The following PEX26 variants were observed in gnomAD, a reference collection of about 807,000 sequenced individuals.
PEX26 encodes peroxisomal biogenesis factor 26, also known as peroxisome assembly protein 26.
PEX26 carries 18 observed loss-of-function variants against 31.4 expected under a neutral mutation model. The ratio of observed to expected loss-of-function variants is 0.57; its 90% CI spans 0.40 to 0.85. The LOEUF (loss-of-function observed/expected upper bound fraction) is 0.85. Ranked by LOEUF, PEX26 falls within the 40% of genes least tolerant of loss-of-function variation. PEX26 has a pLI of 0.00. For synonymous variants in PEX26, 176 were observed against 166.9 expected, an observed-to-expected ratio of 1.05 and a Z score of -0.42; for missense variants, 377 against 383.9, an observed-to-expected ratio of 0.98 and a Z score of 0.15.
rs1421354549 is a variant in PEX26 at position 18,093,259 on chromosome 22, T to G, written c.*5184T>G. The G allele has an allele frequency of 6.6e-6, 1 of 152,040 alleles. No homozygotes were observed. 9.4% of individuals were successfully genotyped at this position (152,040 alleles called of 1,614,324 possible). On this transcript the variant is annotated 3_prime_UTR_variant, in exon 5 of 5. Transcript: ENST00000399744. ...CATGTTCACTTCAACCCCATTTCAT[T>G]TAAATTAAAGAAAAAAACCTGGCCG...
chr22:18,088,111 G>GC lies in PEX26; in HGVS notation c.*36_*37insC. 2 of 1,370,396 alleles carry GC rather than the reference G, an allele frequency of 1.5e-6. No homozygotes were observed. The highest frequency in any genetic ancestry group is 2.1e-6 in the Non-Finnish European group (2 of 961,480). The allele number at this position is 1,370,396 out of a possible 1,614,324, so 84.9% of individuals were successfully genotyped here. ...GCACCACAGCCTCTCTGCTCCTCACGTCCGTGGCCACAGAAGCAGAGCGAC... is the reference window on the plus strand; with the variant it reads ...GCACCACAGCCTCTCTGCTCCTCACGCTCCGTGGCCACAGAAGCAGAGCGAC... On this transcript the variant is annotated 3_prime_UTR_variant, in exon 5 of 5. Coordinates refer to ENST00000399744, the MANE Select transcript of PEX26 (RefSeq NM_001127649.3). The surrounding 1 kb of genome is among the most constrained non-coding windows in gnomAD (Gnocchi z 4.1).
rs361772 is a variant in PEX26 at position 18,103,092 on chromosome 22, C to CAAAAAAAAAAAAAAA, written c.*15023_*15037dup. On this transcript the variant is annotated 3_prime_UTR_variant, in exon 5 of 5. Coordinates refer to ENST00000399744, the MANE Select transcript of PEX26 (RefSeq NM_001127649.3). ...TGGGCGACAGTGTGCGACTGCATCTCAAAAAAAAAAAAAAAAAAAAGGCAT... is the reference window on the plus strand; with the variant it reads ...TGGGCGACAGTGTGCGACTGCATCTCAAAAAAAAAAAAAAAAAAAAAAAAAAAAAAAAAAAGGCAT... The CAAAAAAAAAAAAAAA allele has an allele frequency of 1.1e-5, 1 of 87,762 alleles. No individual in the cohort carries two copies. Among genetic ancestry groups the CAAAAAAAAAAAAAAA allele is most frequent in the Admixed American group, 1.5e-4 (1 of 6,678 alleles). The allele number at this position is 87,762 out of a possible 1,614,324, so 5.4% of individuals were successfully genotyped here. A position where few individuals can be genotyped will look rare whatever the true frequency, so the allele number is the denominator to read the frequency against.
At position 18,087,765 on chromosome 22, in the gene PEX26, C is replaced by T. The variant is rs188148608; in HGVS notation, c.815-207C>T. Among the ~76,000 whole-genome samples, 696 of 152,272 alleles carry T rather than the reference C, an allele frequency of 4.6e-3. 1 individual carries two copies. The highest frequency in any genetic ancestry group is 6.9e-3 in the Non-Finnish European group (467 of 68,018). On this transcript the variant is annotated intron_variant, in intron 4 of 4. Transcript: ENST00000399744. ...ACCTGCACCTGCAGGCTGAGGATCG[C>T]ATGAGCCCCAGAGATTGAGGCTGCA...
At position 18,083,734 on chromosome 22, in the gene PEX26, T is replaced by C. The variant is rs267608191; in HGVS notation, c.667+2T>C. On this transcript the variant is annotated splice_donor_variant, in intron 3 of 4. Coordinates refer to ENST00000399744, the MANE Select transcript of PEX26 (RefSeq NM_001127649.3). LOFTEE classifies it high-confidence loss of function. ...AGGCCCAGAAGCCAAACCTGGAAGG[T>C]AGGACATTATCCCTCTGCGACCTCT... 1.9e-6 allele frequency: 3 copies of C among 1,613,524 alleles called. No homozygotes were observed. Among genetic ancestry groups the C allele is most frequent in the Middle Eastern group, 1.7e-4 (1 of 5,808 alleles).
At chr22:18,081,927 G>T (rs1001289435) in intron 2 of PEX26, among the ~76,000 whole-genome samples, 7 of 152,112 alleles carry the variant, frequency 4.6e-5, no homozygotes, top group African/African-American at 1.4e-4. Context: ...CTGGAGCGAG[G>T]TAGTGTCTCA....
Position 18,101,309 on chromosome 22 carries a change from C to T in PEX26, c.*13234C>T, listed in dbSNP as rs556935641. On this transcript the variant is annotated 3_prime_UTR_variant, in exon 5 of 5. Transcript: ENST00000399744. ...TTGATCCTGGGAGATTCAGAAACCTCAAGATGGGTAGCTGGCTTGAGTAAC... is the reference window on the plus strand; with the variant it reads ...TTGATCCTGGGAGATTCAGAAACCTTAAGATGGGTAGCTGGCTTGAGTAAC... 2 of 152,192 alleles carry T rather than the reference C, an allele frequency of 1.3e-5. No homozygotes were observed. The highest frequency in any genetic ancestry group is 4.8e-5 in the African/African-American group (2 of 41,514). The allele number at this position is 152,192 out of a possible 1,614,324, so 9.4% of individuals were successfully genotyped here.
Position 18,083,708 on chromosome 22 carries a change from G to A in PEX26, c.643G>A (p.Glu215Lys), listed in dbSNP as rs138232280. ...QQKQEHSGSE[E>K]AQKPNLEGSV... Reference sequence around the variant, plus strand: ...GAAACAGGAACACTCAGGCTCTGAGGAGGCCCAGAAGCCAAACCTGGAAGG... The same window carrying A: ...GAAACAGGAACACTCAGGCTCTGAGAAGGCCCAGAAGCCAAACCTGGAAGG... Residue 215 changes from glutamate (E) to lysine (K), a missense_variant, in exon 3 of 5, where the codon GAG becomes AAG. Transcript: ENST00000399744. The A allele has an allele frequency of 6.6e-4, 1,059 of 1,614,018 alleles. 9 individuals carry two copies. Among genetic ancestry groups the A allele is most frequent in the Middle Eastern group, 1.2e-3 (7 of 5,948 alleles).
At position 18,088,618 on chromosome 22, in the gene PEX26, A is replaced by C; in HGVS notation, c.*543A>C. 4.8e-6 allele frequency: 1 copy of C among 208,260 alleles called. No homozygotes were observed. The highest frequency in any genetic ancestry group is 9.9e-6 in the Non-Finnish European group (1 of 100,972). 12.9% of individuals were successfully genotyped at this position (208,260 alleles called of 1,614,324 possible). ...ACATGGTGAAACCCCATCTCTACTA[A>C]AAATACAAAAATTAGCTAGATGTGG... On this transcript the variant is annotated 3_prime_UTR_variant, in exon 5 of 5. Coordinates refer to ENST00000399744, the MANE Select transcript of PEX26 (RefSeq NM_001127649.3). The surrounding 1 kb of genome is among the most constrained non-coding windows in gnomAD (Gnocchi z 4.1).
chr22:18,085,827 G>A (rs1239344305), intron 4 of PEX26, among the ~76,000 whole-genome samples: 5 of 152,038 alleles, frequency 3.3e-5, no homozygotes, highest in East Asian at 3.9e-4. Context: ...AGCCAAGATC[G>A]CACTGCTGCA....
At chr22:18,082,385 T>A (rs959403912) in intron 2 of PEX26, among the ~76,000 whole-genome samples, 1 of 152,202 alleles carries the variant, frequency 6.6e-6, no homozygotes, top group Non-Finnish European at 1.5e-5. Context: ...AGTTAATTTT[T>A]GTATGTGGGG....
intron 1 of PEX26, chr22:18,078,864 G>T (rs1602455853): frequency 1.5e-6 from 1 of 666,346 alleles, no homozygotes; most frequent in East Asian, 2.8e-5. Flanking sequence ...TGATGGGAAG[G>T]CTGAATGTGT....
chr22:18,087,170 G>A (rs924995267), intron 4 of PEX26, among the ~76,000 whole-genome samples: 1 of 152,284 alleles, frequency 6.6e-6, no homozygotes, highest in South Asian at 2.1e-4. Flanking sequence ...CGCCTCCTGG[G>A]TTCAAGCGAT....
chr22:18,090,101 A>G lies in PEX26; in HGVS notation c.*2026A>G, dbSNP rs1927027948. The G allele has an allele frequency of 6.6e-6, 1 of 152,174 alleles. No homozygotes were observed. The highest frequency in any genetic ancestry group is 6.5e-5 in the Admixed American group (1 of 15,276). 9.4% of individuals were successfully genotyped at this position (152,174 alleles called of 1,614,324 possible). A position where few individuals can be genotyped will look rare whatever the true frequency, so the allele number is the denominator to read the frequency against. On this transcript the variant is annotated 3_prime_UTR_variant, in exon 5 of 5. Transcript: ENST00000399744. ...TCAAGTCTGTAGGAAGCAAATCTAT[A>G]CTTTTTTATATGGGCTTTTAAGTAA...
Position 18,080,122 on chromosome 22 carries a change from C to T in PEX26, c.371+108C>T, listed in dbSNP as rs464541. On this transcript the variant is annotated intron_variant, in intron 2 of 4. Coordinates refer to ENST00000399744, the MANE Select transcript of PEX26 (RefSeq NM_001127649.3). ...CCTTCCCTACTATTGCCCTCCAGAT[C>T]GGATTCTTTCCCTTCACTTTTTTTT... The T allele has an allele frequency of 0.76, 918,261 of 1,211,418 alleles. 355,113 individuals are homozygous for T. The highest frequency in any genetic ancestry group is 0.8 in the Non-Finnish European group (668,744 of 834,786). 75.0% of individuals were successfully genotyped at this position (1,211,418 alleles called of 1,614,324 possible). A position where few individuals can be genotyped will look rare whatever the true frequency, so the allele number is the denominator to read the frequency against.
Position 18,101,732 on chromosome 22 carries a change from C to A in PEX26, c.*13657C>A, listed in dbSNP as rs571147774. ...CCCTCTCCTTTAAGACCTGGCATTA[C>A]AATGGCCTCATCCTGCATGTGGGCA... is the stretch of plus-strand genomic sequence containing the variant. On this transcript the variant is annotated 3_prime_UTR_variant, in exon 5 of 5. Coordinates refer to ENST00000399744, the MANE Select transcript of PEX26 (RefSeq NM_001127649.3). 1.9e-5 allele frequency: 5 copies of A among 257,834 alleles called. No homozygotes were observed. The highest frequency in any genetic ancestry group is 3.7e-5 in the Non-Finnish European group (5 of 135,650). The allele number at this position is 257,834 out of a possible 1,614,324, so 16.0% of individuals were successfully genotyped here.
At chr22:18,080,810 T>C (rs1926544890) in intron 2 of PEX26, among the ~76,000 whole-genome samples, 1 of 152,114 alleles carries the variant, frequency 6.6e-6, no homozygotes, top group African/African-American at 2.4e-5. Flanking sequence ...CTTCCGGCTA[T>C]TTTATATATA....
intron 3 of PEX26, among the ~76,000 whole-genome samples, chr22:18,084,517 A>G (rs1926759465): frequency 6.6e-6 from 1 of 152,132 alleles, no homozygotes; most frequent in Non-Finnish European, 1.5e-5. Flanking sequence ...TGCTGGGATT[A>G]CTGGCATGAG....
chr22:18,079,955 C>T lies in PEX26; in HGVS notation c.312C>T (p.Ser104=), dbSNP rs1926484707. The change falls in exon 2 of 5, where the codon TCC becomes TCT. Residue 104 remains serine, a synonymous_variant. Transcript: ENST00000399744. The stretch of plus-strand genomic sequence containing the variant: ...TGGATCGGTGGCAAGAAGTCCTCTC[C>T]TGGGTCCTTCAGTATTACCAGGTCC... ...AEMDRWQEVL[S]WVLQYYQVPE... is the part of the protein sequence containing the mutation. 1 of 1,614,054 alleles carries T rather than the reference C, an allele frequency of 6.2e-7. No homozygotes were observed. The highest frequency in any genetic ancestry group is 1.7e-5 in the Admixed American group (1 of 60,008).
In PEX26 at chr22:18,078,112, G is replaced by C. The variant is rs71328252; in HGVS notation, c.-265G>C. ...AGTTCCTGCACGTGTCGCGGGGCCG[G>C]AGAAGCTAGGGCCAGGTATTCCAGG... On this transcript the variant is annotated 5_prime_UTR_variant, in exon 1 of 5. Transcript: ENST00000399744. 4.7e-6 allele frequency: 3 copies of C among 637,044 alleles called. No individual in the cohort carries two copies. In the African/African-American group the frequency reaches 5.4e-5, roughly 11 times the overall value. The allele number at this position is 637,044 out of a possible 1,614,324, so 39.5% of individuals were successfully genotyped here. A position where few individuals can be genotyped will look rare whatever the true frequency, so the allele number is the denominator to read the frequency against.
Sources: allele counts gnomAD v4.1 joint callset (sites outside exome capture counted in the v4.1 genomes callset), GRCh38; gene constraint gnomAD v4.1.1; non-coding constraint Gnocchi (gnomAD v3.1); transcripts MANE v1.5; gene names NCBI Gene and HGNC (gene_info 2026-07-23, HGNC 2026-07-21).